The following AMPD3 variants were observed in gnomAD, a reference collection of about 807,000 sequenced individuals.
The protein encoded by AMPD3 is AMP deaminase 3.
Under a neutral mutation model 82.3 loss-of-function variants are expected in AMPD3, and 57 were observed. That is an observed-to-expected ratio of 0.69 (90% CI 0.56 to 0.86). The LOEUF (loss-of-function observed/expected upper bound fraction) is 0.86. Ranked by LOEUF, AMPD3 falls within the 40% of genes least tolerant of loss-of-function variation. The pLI is 0.00. For synonymous variants in AMPD3, 381 were observed against 394.7 expected, an observed-to-expected ratio of 0.97 and a Z score of 0.41; for missense variants, 870 against 1,003.8, an observed-to-expected ratio of 0.87 and a Z score of 1.80.
intron 11 of AMPD3, 95 bp downstream of exon 11, chr11:10,500,344 G>A: frequency 6.7e-7 from 1 of 1,499,986 alleles, no homozygotes; most frequent in Non-Finnish European, 9.2e-7. Flanking sequence ...TGATCCTTGT[G>A]TCCGTGTGCA....
chr11:10,450,513 C>A, upstream of AMPD3: 4 of 986,070 alleles, frequency 4.1e-6, no homozygotes, highest in South Asian at 4.7e-5. Context: ...GGGAGGACGT[C>A]GGGCAAGCCC....
At chr11:10,500,728 A>G (rs1050800476) in intron 11 of AMPD3, 1 of 985,216 alleles carries the variant, frequency 1.0e-6, no homozygotes, top group Non-Finnish European at 1.2e-6. Flanking sequence ...TGGGCACTGG[A>G]CAAATAACGG....
rs1385580217 is a variant in AMPD3 at position 10,505,595 on chromosome 11, C to A, written c.2128-113C>A. On this transcript the variant is annotated intron_variant, in intron 14 of 14. Coordinates refer to ENST00000396553, the MANE Select transcript of AMPD3 (RefSeq NM_001025389.2). ...GGGATAAGATGTCCTGACCAAAGAT[C>A]TGCTTCAGGGGGACTAGTCTGACTT... is the stretch of plus-strand genomic sequence containing the variant. 14 of 1,529,166 alleles carry A rather than the reference C, an allele frequency of 9.2e-6. No individual in the cohort carries two copies. The South Asian group carries it at 1.7e-4, about 19-fold the overall frequency. The allele number at this position is 1,529,166 out of a possible 1,614,324, so 94.7% of individuals were successfully genotyped here. A position where few individuals can be genotyped will look rare whatever the true frequency, so the allele number is the denominator to read the frequency against.
intron 2 of AMPD3, among the ~76,000 whole-genome samples, chr11:10,463,244 A>T (rs1848323080): frequency 6.6e-6 from 1 of 152,146 alleles, no homozygotes; most frequent in Admixed American, 6.5e-5. Flanking sequence ...GTTTGGAAAG[A>T]AGTAAAAAGT....
At chr11:10,455,876 CT>C in intron 1 of AMPD3, 1 of 983,568 alleles carries the variant, frequency 1.0e-6, no homozygotes, top group Non-Finnish European at 1.2e-6. Context: ...GACCAATCCC[CT>C]TGATAAAATG....
intron 9 of AMPD3, 148 bp downstream of exon 9, chr11:10,495,881 A>T: frequency 3.4e-6 from 3 of 890,854 alleles, no homozygotes; most frequent in Non-Finnish European, 5.2e-6. Flanking sequence ...CCATAGAAGG[A>T]GTGATGAAAA....
chr11:10,476,092 A>G (rs537591909), intron 2 of AMPD3, among the ~76,000 whole-genome samples: 11 of 152,338 alleles, frequency 7.2e-5, no homozygotes, highest in African/African-American at 2.6e-4. Context: ...TTTGTTCTGC[A>G]GCAATAGAAA....
chr11:10,460,516 C>T (rs1276724156), intron 1 of AMPD3, among the ~76,000 whole-genome samples: 1 of 151,572 alleles, frequency 6.6e-6, no homozygotes, highest in African/African-American at 2.4e-5. Flanking sequence ...AAGCAATTCT[C>T]TTGCCTCAGC....
rs1489543863 is a variant in AMPD3, at chr11:10,466,673, C to A, written c.221+4933C>A. Among the ~76,000 whole-genome samples, 4 of 152,246 alleles carry A rather than the reference C, an allele frequency of 2.6e-5. No homozygotes were observed. In the East Asian group the frequency reaches 7.7e-4, roughly 29 times the overall value. ...CTGAAGAGACCAGCAGTCCTCCCAG[C>A]ACAGCGTTCAAGCTCTGCTAAGGGT... On this transcript the variant is annotated intron_variant, in intron 2 of 14. Transcript: ENST00000396553.
chr11:10,486,012 A>G (rs1352564466), intron 5 of AMPD3, among the ~76,000 whole-genome samples: 1 of 149,130 alleles, frequency 6.7e-6, no homozygotes, highest in African/African-American at 2.5e-5. Context: ...TCTCGAAAGT[A>G]GCATAGTGAG....
chr11:10,487,498 GA>G, intron 6 of AMPD3, 134 bp downstream of exon 6: 1 of 1,267,282 alleles, frequency 7.9e-7, no homozygotes, highest in Non-Finnish European at 1.1e-6. Context: ...TTCGTGGCCA[GA>G]GGGGTATGAA....
chr11:10,505,785 T>A lies in AMPD3; in HGVS notation c.2205T>A (p.Ala735=). Residue 735 remains alanine, a synonymous_variant, in exon 15 of 15, where the codon GCT becomes GCA. Coordinates refer to ENST00000396553, the MANE Select transcript of AMPD3 (RefSeq NM_001025389.2). ...ATGATATTCGAAAGACAAATGTGGC[T>A]CAGATCCGGATGGCATTCCGATATG... ...EGNDIRKTNV[A]QIRMAFRYET... 2 of 1,614,210 alleles carry A rather than the reference T, an allele frequency of 1.2e-6. No individual in the cohort carries two copies. Among genetic ancestry groups the A allele is most frequent in the Non-Finnish European group, 1.7e-6 (2 of 1,180,050 alleles).
Position 10,507,391 on chromosome 11 carries a change from T to TA in AMPD3, c.*1508dup, listed in dbSNP as rs898055101. On this transcript the variant is annotated 3_prime_UTR_variant, in exon 15 of 15. Transcript: ENST00000396553. ...ATGCAGTCTTTTTACTAGGCAGATA[T>TA]ATATGCTATCTTACAGCTAATTATG... 5.9e-5 allele frequency: 9 copies of TA among 152,340 alleles called. No individual in the cohort carries two copies. The highest frequency in any genetic ancestry group is 1.9e-4 in the African/African-American group (8 of 41,574). 9.4% of individuals were successfully genotyped at this position (152,340 alleles called of 1,614,324 possible).
chr11:10,493,459 C>T lies in AMPD3; in HGVS notation c.1050C>T (p.Gly350=). 3 of 1,614,206 alleles carry T rather than the reference C, an allele frequency of 1.9e-6. No homozygotes were observed. Among genetic ancestry groups the T allele is most frequent in the Non-Finnish European group, 2.5e-6 (3 of 1,180,044 alleles). Residue 350 remains glycine (G), a synonymous_variant, in exon 7 of 15, where the codon GGC becomes GGT. Transcript: ENST00000396553. The part of the protein sequence containing the change: ...EPDRTVAEKR[G]RKITLRQVFD... ...ACAGGACTGTGGCAGAGAAGCGGGGCCGGAAGATCACCCTGCGGCAGGTGT... is the reference window on the plus strand; with the variant it reads ...ACAGGACTGTGGCAGAGAAGCGGGGTCGGAAGATCACCCTGCGGCAGGTGT...
intron 2 of AMPD3, among the ~76,000 whole-genome samples, chr11:10,464,651 C>T (rs1053205322): frequency 1.3e-5 from 2 of 152,188 alleles, no homozygotes; most frequent in African/African-American, 4.8e-5. Flanking sequence ...TCAGATGCCC[C>T]AGCATCCTCC....
At position 10,495,898 on chromosome 11, in the gene AMPD3, C is replaced by G. The variant is rs1849383903; in HGVS notation, c.1430+165C>G. On this transcript the variant is annotated intron_variant, in intron 9 of 14. Coordinates refer to ENST00000396553, the MANE Select transcript of AMPD3 (RefSeq NM_001025389.2). ...ATAGAAGGAGTGATGAAAAAGATGT[C>G]TGCATGACACTAGAGCTCTTTTTTT... Among the ~76,000 whole-genome samples the G allele has an allele frequency of 2.7e-5, 4 of 150,384 alleles. No individual in the cohort carries two copies. In the South Asian group the frequency reaches 8.4e-4, roughly 32 times the overall value.
In AMPD3 at chr11:10,461,688, AG is replaced by A; in HGVS notation, c.172del (p.Glu58SerfsTer23). ...CPIGQKEAKE[R>X]ELQKELAEQK... ...CATCGGGCAAAAGGAAGCCAAGGAG[AG>A]GGAGCTGCAGAAGGAGCTGGCAGAG... On this transcript the variant is annotated frameshift_variant, in exon 2 of 15. Transcript: ENST00000396553. LOFTEE classifies it high-confidence loss of function. The A allele has an allele frequency of 6.2e-7, 1 of 1,614,160 alleles. No individual in the cohort carries two copies. The highest frequency in any genetic ancestry group is 2.2e-5 in the East Asian group (1 of 44,884).
intron 2 of AMPD3, 69 bp from the exon 3 acceptor site, chr11:10,478,457 A>G (rs1403221789): frequency 1.3e-6 from 2 of 1,598,576 alleles, no homozygotes; most frequent in African/African-American, 1.3e-5. Flanking sequence ...CGCACACAGC[A>G]AAGAGTCTTT....
chr11:10,465,840 T>TC (rs1379268101), intron 2 of AMPD3, among the ~76,000 whole-genome samples: 1 of 149,842 alleles, frequency 6.7e-6, no homozygotes, highest in African/African-American at 2.5e-5. Flanking sequence ...TTTTTTTTTT[T>TC]CTGTACCCCA....
Sources: gnomAD v4.1 joint callset for allele counts (sites outside exome capture counted in the v4.1 genomes callset) on GRCh38, gnomAD v4.1.1 for gene constraint, MANE v1.5 for transcripts, NCBI Gene and HGNC (gene_info 2026-07-23, HGNC 2026-07-21) for gene names.